The following DMD variants were observed in gnomAD, a reference collection of about 807,000 sequenced individuals.
DMD encodes the protein mutant dystrophin.
A neutral mutation model predicts 330.1 loss-of-function variants in DMD; 63 were observed. The ratio of observed to expected loss-of-function variants is 0.19; its 90% CI spans 0.16 to 0.24. The LOEUF is 0.24. Ranked by LOEUF, DMD falls within the 10% of genes least tolerant of loss-of-function variation. DMD has a pLI of 1.00. For synonymous variants in DMD, 1,223 were observed against 959.8 expected (o/e 1.27, Z -5.07); for missense variants, 3,344 against 2,684.1 (o/e 1.25, Z -5.43).
intron 7 of DMD, among the ~76,000 whole-genome samples, chrX:32,739,652 G>A (rs1735059715): frequency 8.9e-6 from 1 of 111,894 alleles, no homozygotes. Context: ...TTGGAAACTT[G>A]AGAAGTATGT....
intron 9 of DMD, among the ~76,000 whole-genome samples, chrX:32,655,262 C>A (rs974577354): frequency 2.7e-5 from 3 of 112,206 alleles, no homozygotes; most frequent in African/African-American, 9.7e-5. Flanking sequence ...CCTGCTTTCT[C>A]TTGTGGGCAT....
intron 55 of DMD, among the ~76,000 whole-genome samples, chrX:31,530,428 T>C (rs2073649116): frequency 9.0e-6 from 1 of 111,596 alleles, no homozygotes; most frequent in Non-Finnish European, 1.9e-5. Flanking sequence ...TGGGACCATA[T>C]CTGCCTTGTC....
intron 60 of DMD, among the ~76,000 whole-genome samples, chrX:31,412,168 A>G (rs926825223): frequency 5.1e-4 from 46 of 90,635 alleles, no homozygotes; most frequent in African/African-American, 2.0e-3. Flanking sequence ...CCTGGGTGAC[A>G]GAGCGAGACT....
chrX:32,883,921 A>G (rs1016915520), intron 2 of DMD, among the ~76,000 whole-genome samples: 26 of 107,725 alleles, frequency 2.4e-4, no homozygotes, highest in Non-Finnish European at 1.1e-4. Context: ...TATTCTTAAT[A>G]TTAATGTTCT....
chrX:32,094,005 G>A (rs1051922391), intron 44 of DMD, among the ~76,000 whole-genome samples: 1 of 111,114 alleles, frequency 9.0e-6, no homozygotes, highest in Non-Finnish European at 1.9e-5. Context: ...GAACCACAAT[G>A]GTTCTTTGCT....
At chrX:33,012,795 G>A (rs1235298422) in intron 2 of DMD, among the ~76,000 whole-genome samples, 1 of 111,037 alleles carries the variant, frequency 9.0e-6, no homozygotes. Flanking sequence ...ATGTTGTTTC[G>A]AAGGTTAGGT....
At chrX:31,731,776 A>C (rs992283809) in intron 51 of DMD, among the ~76,000 whole-genome samples, 2 of 111,226 alleles carry the variant, frequency 1.8e-5, no homozygotes, top group African/African-American at 6.5e-5. Flanking sequence ...TCACATAACC[A>C]GATTTTTTTT....
chrX:31,598,899 T>C (rs1186983579), intron 55 of DMD, among the ~76,000 whole-genome samples: 1 of 112,295 alleles, frequency 8.9e-6, no homozygotes, highest in Non-Finnish European at 1.9e-5. Context: ...AAAACAGATG[T>C]TATTCAAAAG....
chrX:31,245,369 C>G (rs1424673377), intron 63 of DMD, among the ~76,000 whole-genome samples: 1 of 111,678 alleles, frequency 9.0e-6, no homozygotes, highest in African/African-American at 3.3e-5. Context: ...AATCACTCTC[C>G]CTTGCTCTAC....
intron 16 of DMD, among the ~76,000 whole-genome samples, chrX:32,558,966 T>TTC (rs2050681450): frequency 2.3e-5 from 2 of 86,495 alleles, no homozygotes; most frequent in African/African-American, 4.6e-5. Context: ...TTTTTTTTTT[T>TTC]TTGAGACGAA....
intron 62 of DMD, among the ~76,000 whole-genome samples, chrX:31,272,125 C>T (rs1245404726): frequency 3.6e-5 from 4 of 111,570 alleles, no homozygotes; most frequent in Non-Finnish European, 7.5e-5. Flanking sequence ...AGACAGGTTC[C>T]AGATAAAGTC....
intron 1 of DMD, among the ~76,000 whole-genome samples, chrX:33,048,825 C>A (rs1317796681): frequency 9.1e-6 from 1 of 110,056 alleles, no homozygotes; most frequent in African/African-American, 3.3e-5. Flanking sequence ...AAAGGGGGCA[C>A]CGCAAGAAAA....
At chrX:31,776,122 G>C (rs1216211590) in intron 50 of DMD, among the ~76,000 whole-genome samples, 1 of 111,476 alleles carries the variant, frequency 9.0e-6, no homozygotes, top group Non-Finnish European at 1.9e-5. Flanking sequence ...ATCTTAAAAG[G>C]GATTCCAGGA....
chrX:32,456,737 T>C (rs112631096), intron 25 of DMD, among the ~76,000 whole-genome samples: 15 of 108,228 alleles, frequency 1.4e-4, no homozygotes, highest in Non-Finnish European at 2.9e-4. Context: ...AAGAGAAATA[T>C]AGGAGACAAG....
At chrX:31,600,510 G>GTTTTTTT (rs1177947507) in intron 55 of DMD, among the ~76,000 whole-genome samples, 1 of 50,468 alleles carries the variant, frequency 2.0e-5, no homozygotes, top group African/African-American at 7.9e-5. Context: ...GCCAACTATG[G>GTTTTTTT]TTTTTTTTTT....
rs188591557 is a variant in DMD at position 33,067,840 on chromosome X, G to C, written c.32-47640C>G. ...AGCCTGGGCGACAGAGCCAGACTCTGTCTCAAAAATAAGTAAGTAAATAAA... is the reference window on the plus strand; with the variant it reads ...AGCCTGGGCGACAGAGCCAGACTCTCTCTCAAAAATAAGTAAGTAAATAAA... On this transcript the variant is annotated intron_variant, in intron 1 of 78. Coordinates refer to ENST00000357033, the MANE Select transcript of DMD (RefSeq NM_004006.3). 9.0e-5 allele frequency among the ~76,000 whole-genome samples: 10 copies of C among 111,604 alleles called. No homozygotes were observed. In the East Asian group the frequency reaches 2.8e-3, roughly 31 times the overall value.
chrX:32,509,046 A>G (rs186553055), intron 18 of DMD, among the ~76,000 whole-genome samples: 31 of 109,765 alleles, frequency 2.8e-4, no homozygotes, highest in Non-Finnish European at 4.9e-4. Flanking sequence ...TCCTGACTTC[A>G]TGATCCACCC....
intron 29 of DMD, 135 bp from the exon 30 acceptor site, chrX:32,412,048 T>C: frequency 1.7e-6 from 2 of 1,192,021 alleles, no homozygotes; most frequent in South Asian, 1.8e-5. Flanking sequence ...CGCAGCTTCC[T>C]GGCACTCATT....
At chrX:32,201,473 C>A (rs1188297656) in intron 44 of DMD, among the ~76,000 whole-genome samples, 5 of 82,764 alleles carry the variant, frequency 6.0e-5, no homozygotes, top group Admixed American at 1.2e-4. Flanking sequence ...TCAAACACCC[C>A]CCCCCCCCCC....
Sources: allele counts gnomAD v4.1 joint callset (sites outside exome capture counted in the v4.1 genomes callset), GRCh38; gene constraint gnomAD v4.1.1; transcripts MANE v1.5; gene names NCBI Gene and HGNC (gene_info 2026-07-23, HGNC 2026-07-21).